TNIK: variants seen among roughly 807,000 people sequenced by gnomAD.
The protein encoded by TNIK is TRAF2 and NCK-interacting protein kinase.
In TNIK, 49 loss-of-function variants were observed where a neutral mutation model predicts 191.3. That is an observed-to-expected ratio of 0.26 (90% confidence interval 0.20 to 0.32). TNIK has a LOEUF of 0.32. Among genes scored for constraint, TNIK ranks in the 10% least tolerant of loss-of-function variants. TNIK has a pLI of 1.00. For missense variants in TNIK, 1,155 were observed against 1,702.3 expected (o/e 0.68, Z 5.66); for synonymous variants, 594 against 600.9 (o/e 0.99, Z 0.17).
intron 2 of TNIK, among the ~76,000 whole-genome samples, chr3:171,299,481 G>A (rs1395300160): frequency 6.6e-6 from 1 of 152,214 alleles, no homozygotes; most frequent in Admixed American, 6.5e-5. Flanking sequence ...TGCCCTATCA[G>A]TGACCACACT....
At chr3:171,082,461 C>A in intron 26 of TNIK, 67 bp from the exon 27 acceptor site, 1 of 1,540,400 alleles carries the variant, frequency 6.5e-7, no homozygotes, top group Middle Eastern at 1.7e-4. Context: ...TCGAGAGTCC[C>A]TATAAAATTT....
At position 171,090,278 on chromosome 3, in the gene TNIK, CTGTT is replaced by C. The variant is rs1721887712; in HGVS notation, c.2722-2776_2722-2773del. Among the ~76,000 whole-genome samples the C allele has an allele frequency of 2.0e-5, 3 of 152,182 alleles. No homozygotes were observed. The South Asian group carries it at 6.2e-4, about 32-fold the overall frequency. The stretch of plus-strand genomic sequence containing the variant: ...CATGAGAAGCTGCCTGAGCTCCTGT[CTGTT>C]CCAGTCCTTCAAAGAGGCTCAGCTC... On this transcript the variant is annotated intron_variant, in intron 23 of 32. Coordinates refer to ENST00000436636, the MANE Select transcript of TNIK (RefSeq NM_015028.4).
At chr3:171,254,164 C>T (rs1746575337) in intron 2 of TNIK, among the ~76,000 whole-genome samples, 2 of 152,256 alleles carry the variant, frequency 1.3e-5, no homozygotes, top group South Asian at 4.2e-4. Flanking sequence ...AACAACAGAA[C>T]AAAGACCTTC....
intron 28 of TNIK, among the ~76,000 whole-genome samples, chr3:171,075,737 TA>T (rs1306536749): frequency 1.3e-5 from 2 of 151,362 alleles, no homozygotes; most frequent in Non-Finnish European, 2.9e-5. Context: ...CAAAAGCTGC[TA>T]TTTTTTTTTT....
rs763044300 is a variant in TNIK at position 171,460,030 on chromosome 3, C to T, written c.34G>A (p.Glu12Lys). ...ACCCTCAGAGCCGAGAGATCTATTT[C>T]ATCCAGGCTTCGAGCCGGGGAGTCG... Reference protein sequence around the residue: ...ASDSPARSLDEIDLSALRDPA... With the variant: ...ASDSPARSLDKIDLSALRDPA... The change falls in exon 1 of 33, where the codon GAA becomes AAA. Residue 12 changes from glutamate to lysine, a missense_variant. Glu to Lys is a moderately conservative substitution (Grantham distance 56). Around this residue, in one of 3 missense-constraint regions of TNIK, gnomAD observed 225 missense variants for 438.9 expected, o/e 0.51. Transcript: ENST00000436636. The surrounding 1 kb of genome is among the most constrained non-coding windows in gnomAD (Gnocchi z 6.8). The T allele has an allele frequency of 1.2e-6, 2 of 1,609,016 alleles. No homozygotes were observed. The highest frequency in any genetic ancestry group is 3.4e-5 in the Admixed American group (2 of 59,478).
intron 20 of TNIK, among the ~76,000 whole-genome samples, chr3:171,107,598 C>T (rs1725114657): frequency 6.6e-6 from 1 of 152,122 alleles, no homozygotes; most frequent in Non-Finnish European, 1.5e-5. Flanking sequence ...GTTACGACGC[C>T]TGTTGGACCC....
Position 171,101,503 on chromosome 3 carries a change from C to T in TNIK, c.2537G>A (p.Gly846Glu), listed in dbSNP as rs766065766. 6 of 1,613,420 alleles carry T rather than the reference C, an allele frequency of 3.7e-6. No homozygotes were observed. In the East Asian group the frequency reaches 1.3e-4, roughly 36 times the overall value. The change falls in exon 22 of 33, where the codon GGA becomes GAA. Residue 846 changes from glycine to glutamate, a missense_variant. Around this residue, in one of 3 missense-constraint regions of TNIK, gnomAD observed 735 missense variants for 848.0 expected, o/e 0.87. Coordinates refer to ENST00000436636, the MANE Select transcript of TNIK (RefSeq NM_015028.4). ...SESSEEEEEDGESETHDGTVA... is the reference protein window; with the variant it reads ...SESSEEEEEDEESETHDGTVA... Reference sequence around the variant, plus strand: ...TGTCCCATCATGGGTCTCGCTCTCTCCATCTTCCTCCTCTTCCTCGCTACT... The same window carrying T: ...TGTCCCATCATGGGTCTCGCTCTCTTCATCTTCCTCCTCTTCCTCGCTACT...
intron 2 of TNIK, among the ~76,000 whole-genome samples, chr3:171,343,904 G>A (rs970362273): frequency 6.6e-6 from 1 of 152,030 alleles, no homozygotes; most frequent in African/African-American, 2.4e-5. Context: ...AACAAAAGGG[G>A]GAGTTCCTTC....
chr3:171,080,326 G>C (rs990862559), intron 27 of TNIK, among the ~76,000 whole-genome samples: 3 of 152,156 alleles, frequency 2.0e-5, no homozygotes, highest in Admixed American at 6.5e-5. Flanking sequence ...CAGATAAAAT[G>C]TCCATTGGGA....
chr3:171,362,420 C>T (rs751487988), intron 2 of TNIK, among the ~76,000 whole-genome samples: 17 of 152,040 alleles, frequency 1.1e-4, no homozygotes, highest in Non-Finnish European at 2.1e-4. Flanking sequence ...TATTTTTGCA[C>T]CATCCTAATA....
chr3:171,308,967 G>T (rs953310030), intron 2 of TNIK, among the ~76,000 whole-genome samples: 2 of 152,130 alleles, frequency 1.3e-5, no homozygotes, highest in African/African-American at 4.8e-5. Context: ...AATTCATTTT[G>T]CCACTATGGA....
chr3:171,184,087 T>C (rs1305730385), intron 7 of TNIK, among the ~76,000 whole-genome samples: 1 of 152,134 alleles, frequency 6.6e-6, no homozygotes, highest in African/African-American at 2.4e-5. Flanking sequence ...TATTCTATTA[T>C]AACCTCCGAA....
chr3:171,121,427 G>A (rs1576884099), intron 18 of TNIK, among the ~76,000 whole-genome samples: 1 of 152,184 alleles, frequency 6.6e-6, no homozygotes, highest in African/African-American at 2.4e-5. Flanking sequence ...TGGGTTATCA[G>A]CAAAGATGAT....
rs555526634 is a variant in TNIK at position 171,432,078 on chromosome 3, T to C, written c.57+27929A>G. 4.6e-5 allele frequency among the ~76,000 whole-genome samples: 7 copies of C among 152,312 alleles called. No homozygotes were observed. The South Asian group carries it at 1.4e-3, about 32-fold the overall frequency. ...AAACCAAAAGAACTCTAAGAGAAGATGGCCTCCTTAAGACAAGAGGCAATA... is the reference window on the plus strand; with the variant it reads ...AAACCAAAAGAACTCTAAGAGAAGACGGCCTCCTTAAGACAAGAGGCAATA... On this transcript the variant is annotated intron_variant, in intron 1 of 32. Coordinates refer to ENST00000436636, the MANE Select transcript of TNIK (RefSeq NM_015028.4).
At chr3:171,132,651 A>G (rs1729467322) in intron 15 of TNIK, among the ~76,000 whole-genome samples, 1 of 152,218 alleles carries the variant, frequency 6.6e-6, no homozygotes, top group Non-Finnish European at 1.5e-5. Flanking sequence ...TTTATATTTT[A>G]AAACAATTTG....
chr3:171,327,330 G>A (rs1006850262), intron 2 of TNIK, among the ~76,000 whole-genome samples: 6 of 152,200 alleles, frequency 3.9e-5, no homozygotes, highest in African/African-American at 1.4e-4. Context: ...TAGAGCCAAT[G>A]CCATGTGGGT....
intron 1 of TNIK, among the ~76,000 whole-genome samples, chr3:171,430,940 C>G (rs1349049492): frequency 6.6e-6 from 1 of 152,026 alleles, no homozygotes; most frequent in East Asian, 1.9e-4. Context: ...TAATTTTAAT[C>G]AATTTGCATG....
At chr3:171,377,513 T>G (rs1385192260) in intron 1 of TNIK, among the ~76,000 whole-genome samples, 2 of 152,264 alleles carry the variant, frequency 1.3e-5, no homozygotes, top group African/African-American at 4.8e-5. Context: ...TAAGCTATAA[T>G]AGGCATTATC....
chr3:171,157,460 C>T lies in TNIK; in HGVS notation c.1221G>A (p.Glu407=), dbSNP rs1356614326. 7 of 1,559,730 alleles carry T rather than the reference C, an allele frequency of 4.5e-6. No individual in the cohort carries two copies. Among genetic ancestry groups the T allele is most frequent in the Non-Finnish European group, 5.2e-6 (6 of 1,152,444 alleles). ...EQKEQRRRLE[E]QQRREKELRK... ...AGAGGTGGCCCGAGCAGGTCCTCAC[C>T]TCCTCCAGCCGCCGCCTCTGCTCTT... Residue 407 remains glutamate, a splice_region_variant and synonymous_variant, in exon 12 of 33, where the codon GAG becomes GAA. Transcript: ENST00000436636.
Sources: allele counts gnomAD v4.1 joint callset (sites outside exome capture counted in the v4.1 genomes callset), GRCh38; gene constraint gnomAD v4.1.1; regional missense constraint gnomAD v4.1.1; non-coding constraint Gnocchi (gnomAD v3.1); transcripts MANE v1.5; gene names NCBI Gene and HGNC (gene_info 2026-07-23, HGNC 2026-07-21).